Variants in CTXN2 observed in about 807,000 individuals in gnomAD.
The protein encoded by CTXN2 is cortexin 2, also known as cortexin-2.
CTXN2 carries 3 observed loss-of-function variants against 5.7 expected under a neutral mutation model. The ratio of observed to expected loss-of-function variants is 0.53; its 90% CI spans 0.24 to 1.36. CTXN2 has a LOEUF of 1.36. Ranked by LOEUF, CTXN2 falls within the 40% of genes most tolerant of loss-of-function variation. CTXN2 has a pLI of 0.17. For missense variants in CTXN2, 87 were observed against 93.0 expected (o/e 0.94, Z 0.26); for synonymous variants, 38 against 36.4 (o/e 1.04, Z -0.16).
chr15:48,198,804 T>C (rs1272223807), intron 1 of CTXN2, among the ~76,000 whole-genome samples: 4 of 152,202 alleles, frequency 2.6e-5, no homozygotes, highest in African/African-American at 9.6e-5. Flanking sequence ...GTCTACATTA[T>C]GCATTTTCAA....
chr15:48,194,956 C>A (rs181654214), intron 1 of CTXN2, among the ~76,000 whole-genome samples: 11 of 152,192 alleles, frequency 7.2e-5, no homozygotes, highest in African/African-American at 2.6e-4. Context: ...TGTATAAAGT[C>A]TTCTACACAA....
chr15:48,203,054 T>A lies in CTXN2; in HGVS notation c.*1508T>A, dbSNP rs1186073935. 1 of 167,018 alleles carries A rather than the reference T, an allele frequency of 6.0e-6. No individual in the cohort carries two copies. The highest frequency in any genetic ancestry group is 1.5e-5 in the Non-Finnish European group (1 of 68,116). 10.3% of individuals were successfully genotyped at this position (167,018 alleles called of 1,614,324 possible). On this transcript the variant is annotated 3_prime_UTR_variant, in exon 2 of 2. Transcript: ENST00000417307. ...TGGAGACTACTATTTCCATTTTATTTTTAATCTTAATTTTGCAGAAGAGAA... is the reference window on the plus strand; with the variant it reads ...TGGAGACTACTATTTCCATTTTATTATTAATCTTAATTTTGCAGAAGAGAA...
upstream of CTXN2, among the ~76,000 whole-genome samples, chr15:48,187,252 G>GAA (rs947411943): frequency 5.4e-5 from 7 of 128,824 alleles, no homozygotes; most frequent in East Asian, 1.1e-3. Context: ...TTCATTTTTT[G>GAA]AAAAAAAAAA....
In CTXN2 at chr15:48,179,320, TACTC is replaced by T. The variant is rs1301986731; in HGVS notation, c.-455+922_-455+925del. On this transcript the variant is annotated intron_variant, in intron 1 of 2. Transcript: ENST00000644354. The stretch of plus-strand genomic sequence containing the variant: ...TGGTAAAGTTATAGTTAGAAAGTAA[TACTC>T]AAATAACATAATTTCATCTTCGGCT... Among the ~76,000 whole-genome samples the T allele has an allele frequency of 1.8e-4, 27 of 152,148 alleles. No homozygotes were observed. The East Asian group carries it at 5.0e-3, about 28-fold the overall frequency.
At chr15:48,199,012 A>T (rs1219326129) in intron 1 of CTXN2, among the ~76,000 whole-genome samples, 3 of 152,162 alleles carry the variant, frequency 2.0e-5, no homozygotes, top group Admixed American at 2.0e-4. Context: ...CTGAATTTTT[A>T]TTGAGGACTG....
chr15:48,179,978 G>T, intron 1 of CTXN2, among the ~76,000 whole-genome samples: 1 of 152,098 alleles, frequency 6.6e-6, no homozygotes, highest in African/African-American at 2.4e-5. Flanking sequence ...AGGCCTTTAT[G>T]CTTCAAACAG....
At chr15:48,200,453 G>A (rs532363498) in intron 1 of CTXN2, among the ~76,000 whole-genome samples, 1 of 152,272 alleles carries the variant, frequency 6.6e-6, no homozygotes, top group African/African-American at 2.4e-5. Context: ...TGGAAATCTT[G>A]TTGGGAGGGA....
chr15:48,185,186 C>G (rs1194829878), intron 1 of CTXN2, among the ~76,000 whole-genome samples: 1 of 152,106 alleles, frequency 6.6e-6, no homozygotes, highest in African/African-American at 2.4e-5. Flanking sequence ...AAATGTGAAA[C>G]TATTCTGCAT....
At position 48,201,226 on chromosome 15, in the gene CTXN2, G is replaced by A; in HGVS notation, c.-57-18G>A. 1 of 1,484,428 alleles carries A rather than the reference G, an allele frequency of 6.7e-7. No homozygotes were observed. Among genetic ancestry groups the A allele is most frequent in the South Asian group, 1.3e-5 (1 of 79,040 alleles). The allele number at this position is 1,484,428 out of a possible 1,614,324, so 92.0% of individuals were successfully genotyped here. The stretch of plus-strand genomic sequence containing the variant: ...CCATACAAGGGTAAAACTAAACTGA[G>A]TCCAATTTTGTACCTAGGCAAAGAG... On this transcript the variant is annotated intron_variant, in intron 1 of 1. Transcript: ENST00000417307.
chr15:48,183,480 T>C (rs1009486220), intron 1 of CTXN2, among the ~76,000 whole-genome samples: 1 of 152,210 alleles, frequency 6.6e-6, no homozygotes, highest in Non-Finnish European at 1.5e-5. Flanking sequence ...CATCATCTTA[T>C]ACCATTTTTG....
At chr15:48,192,786 TAAAC>T (rs2040836652) in intron 1 of CTXN2, among the ~76,000 whole-genome samples, 1 of 152,178 alleles carries the variant, frequency 6.6e-6, no homozygotes, top group African/African-American at 2.4e-5. Context: ...ACTAGAGAAA[TAAAC>T]AAGAGGAAAA....
chr15:48,195,991 A>T (rs991422595), intron 1 of CTXN2, among the ~76,000 whole-genome samples: 2 of 152,116 alleles, frequency 1.3e-5, no homozygotes, highest in Non-Finnish European at 2.9e-5. Flanking sequence ...CATACTAGCA[A>T]CCCAATAAAT....
At chr15:48,180,660 C>A (rs2040694287) in intron 1 of CTXN2, among the ~76,000 whole-genome samples, 2 of 152,218 alleles carry the variant, frequency 1.3e-5, no homozygotes, top group South Asian at 4.2e-4. Flanking sequence ...TACAGGCGCC[C>A]GCCAGCAGGC....
chr15:48,188,457 A>G (rs2040780992), upstream of CTXN2, among the ~76,000 whole-genome samples: 1 of 152,176 alleles, frequency 6.6e-6, no homozygotes, highest in African/African-American at 2.4e-5. Context: ...TTGGGGATAT[A>G]TCTATGAAAT....
At chr15:48,182,814 C>T (rs1380843156) in intron 1 of CTXN2, among the ~76,000 whole-genome samples, 1 of 152,096 alleles carries the variant, frequency 6.6e-6, no homozygotes, top group East Asian at 1.9e-4. Context: ...GCTGAGAGGG[C>T]AAAGGTCCAG....
At chr15:48,184,854 T>C (rs1020791281) in intron 1 of CTXN2, among the ~76,000 whole-genome samples, 1 of 152,196 alleles carries the variant, frequency 6.6e-6, no homozygotes, top group African/African-American at 2.4e-5. Flanking sequence ...CAAATATTTA[T>C]AGTATCTTTA....
In CTXN2 at chr15:48,201,666, G is replaced by A. The variant is rs2035342683; in HGVS notation, c.*120G>A. 3 of 935,570 alleles carry A rather than the reference G, an allele frequency of 3.2e-6. No homozygotes were observed. The highest frequency in any genetic ancestry group is 3.5e-5 in the South Asian group (2 of 57,018). The allele number at this position is 935,570 out of a possible 1,614,324, so 58.0% of individuals were successfully genotyped here. A position where few individuals can be genotyped will look rare whatever the true frequency, so the allele number is the denominator to read the frequency against. On this transcript the variant is annotated 3_prime_UTR_variant, in exon 2 of 2. Transcript: ENST00000417307. ...TGTTCAGTGAATTCAATAAACATCT[G>A]TGACTAATTTCTTCACCATGCTGTG...
upstream of CTXN2, chr15:48,191,405 A>C: frequency 4.7e-6 from 1 of 214,974 alleles, no homozygotes; most frequent in Admixed American, 5.0e-5. Context: ...TGTCGTGAGA[A>C]AAAAAAGGAG....
intron 1 of CTXN2, among the ~76,000 whole-genome samples, chr15:48,180,440 T>G (rs1597377208): frequency 6.6e-6 from 1 of 152,228 alleles, no homozygotes; most frequent in Non-Finnish European, 1.5e-5. Context: ...AAGAAAAAAC[T>G]ATTAATATTC....
Sources: allele counts gnomAD v4.1 joint callset (sites outside exome capture counted in the v4.1 genomes callset), GRCh38; gene constraint gnomAD v4.1.1; transcripts MANE v1.5; gene names NCBI Gene and HGNC (gene_info 2026-07-23, HGNC 2026-07-21).